Variants in RERG observed in about 807,000 individuals in gnomAD.
RERG encodes the protein RAS like estrogen regulated growth inhibitor.
Under a neutral mutation model 23.2 loss-of-function variants are expected in RERG, and 25 were observed. The ratio of observed to expected loss-of-function variants is 1.08; its 90% confidence interval spans 0.79 to 1.50. The LOEUF (loss-of-function observed/expected upper bound fraction) is 1.50. RERG is among the 40% of genes most tolerant of loss of function. The pLI, the probability that RERG is intolerant of heterozygous loss-of-function variation, is 0.00. For missense variants in RERG, 253 were observed against 250.1 expected, an observed-to-expected ratio of 1.01 and a Z score of -0.08; for synonymous variants, 81 against 89.1, an observed-to-expected ratio of 0.91 and a Z score of 0.51.
intron 2 of RERG, among the ~76,000 whole-genome samples, chr12:15,180,841 C>T (rs1261465869): frequency 6.6e-6 from 1 of 152,202 alleles, no homozygotes; most frequent in Non-Finnish European, 1.5e-5. Flanking sequence ...TTTTCCAATA[C>T]TCTTGCTCCA....
chr12:15,206,327 T>G (rs1032506622), intron 2 of RERG, among the ~76,000 whole-genome samples: 1 of 152,114 alleles, frequency 6.6e-6, no homozygotes, highest in African/African-American at 2.4e-5. Flanking sequence ...CACTAAAATG[T>G]TAACTCCATA....
chr12:15,153,383 G>T (rs944649768), intron 2 of RERG, among the ~76,000 whole-genome samples: 5 of 152,092 alleles, frequency 3.3e-5, no homozygotes, highest in African/African-American at 1.2e-4. Context: ...TGAAATTGAT[G>T]ATCTTAAATT....
At chr12:15,168,750 C>T (rs1187607667) in intron 2 of RERG, among the ~76,000 whole-genome samples, 1 of 152,164 alleles carries the variant, frequency 6.6e-6, no homozygotes, top group Admixed American at 6.5e-5. Flanking sequence ...CATTTCTCTG[C>T]CACTGTAAAG....
chr12:15,191,559 G>A (rs1355837032), intron 2 of RERG, among the ~76,000 whole-genome samples: 2 of 152,138 alleles, frequency 1.3e-5, no homozygotes, highest in East Asian at 3.9e-4. Flanking sequence ...AACACAATGT[G>A]CACTCTACTT....
At position 15,109,346 on chromosome 12, in the gene RERG, A is replaced by G; in HGVS notation, c.364T>C (p.Leu122=). ...TLILVGNKAD[L]DHSRQVSTEE... is the part of the protein sequence containing the mutation. Reference sequence around the variant, plus strand: ...GTGCTAACCTGCCTGGAGTGGTCCAAGTCAGCTTTGTTTCCAACCAAGATG... The same window carrying G: ...GTGCTAACCTGCCTGGAGTGGTCCAGGTCAGCTTTGTTTCCAACCAAGATG... The change falls in exon 5 of 5, where the codon TTG becomes CTG. Residue 122 remains leucine (L), a synonymous_variant. Transcript: ENST00000256953. 6.2e-7 allele frequency: 1 copy of G among 1,614,084 alleles called. No homozygotes were observed. The highest frequency in any genetic ancestry group is 8.5e-7 in the Non-Finnish European group (1 of 1,180,016).
chr12:15,169,747 T>C (rs1009973422), intron 2 of RERG, among the ~76,000 whole-genome samples: 1 of 152,222 alleles, frequency 6.6e-6, no homozygotes, highest in African/African-American at 2.4e-5. Context: ...AAATTTATTT[T>C]TATGAGTTTC....
intron 2 of RERG, among the ~76,000 whole-genome samples, chr12:15,196,906 A>C (rs1865152856): frequency 6.6e-6 from 1 of 152,086 alleles, no homozygotes; most frequent in South Asian, 2.1e-4. Flanking sequence ...TGAGAATTCT[A>C]ATCATAAAAT....
intron 2 of RERG, chr12:15,137,747 T>C (rs1416785760): frequency 2.7e-6 from 1 of 364,468 alleles, no homozygotes; most frequent in Non-Finnish European, 5.3e-6. Context: ...CAATTATAAA[T>C]ACATTGTTTC....
intron 2 of RERG, among the ~76,000 whole-genome samples, chr12:15,139,568 C>T (rs1444124242): frequency 6.6e-6 from 1 of 152,038 alleles, no homozygotes; most frequent in African/African-American, 2.4e-5. Context: ...ATTTAATTTT[C>T]TTTGTGCTGT....
intron 2 of RERG, among the ~76,000 whole-genome samples, chr12:15,124,775 G>A (rs1003963753): frequency 6.6e-6 from 1 of 151,914 alleles, no homozygotes; most frequent in African/African-American, 2.4e-5. Flanking sequence ...TTATGGGACT[G>A]TGGTGAGTTG....
chr12:15,209,010 A>C (rs116887844), intron 2 of RERG, among the ~76,000 whole-genome samples: 4 of 152,214 alleles, frequency 2.6e-5, no homozygotes, highest in Non-Finnish European at 5.9e-5. Context: ...AAAATTCCTA[A>C]GGCATTGAAA....
intron 2 of RERG, among the ~76,000 whole-genome samples, chr12:15,131,015 C>A (rs1296490083): frequency 6.6e-6 from 1 of 151,924 alleles, no homozygotes; most frequent in Non-Finnish European, 1.5e-5. Flanking sequence ...ATGGCAGAAT[C>A]ATTGCTTTTA....
chr12:15,211,284 T>TACACACAC (rs56263472), intron 2 of RERG, among the ~76,000 whole-genome samples: 1,761 of 142,840 alleles, frequency 0.012, 14 homozygotes, highest in East Asian at 0.023. Flanking sequence ...TGTCATTTTA[T>TACACACAC]ACACACACAC....
At chr12:15,193,930 C>A (rs557688143) in intron 2 of RERG, among the ~76,000 whole-genome samples, 2 of 152,194 alleles carry the variant, frequency 1.3e-5, no homozygotes, top group African/African-American at 4.8e-5. Flanking sequence ...TAGAAAGGAG[C>A]AAATTGGTGA....
At chr12:15,211,425 G>C (rs1865365064) in intron 2 of RERG, among the ~76,000 whole-genome samples, 1 of 151,950 alleles carries the variant, frequency 6.6e-6, no homozygotes, top group Middle Eastern at 3.2e-3. Flanking sequence ...AAATAAGTCT[G>C]GCACAGAGAG....
At chr12:15,210,346 A>G (rs1865350010) in intron 2 of RERG, among the ~76,000 whole-genome samples, 1 of 152,262 alleles carries the variant, frequency 6.6e-6, no homozygotes, top group African/African-American at 2.4e-5. Flanking sequence ...TTAGTTTAAA[A>G]TAAAGGACAA....
At chr12:15,141,651 A>G (rs1864240814) in intron 2 of RERG, among the ~76,000 whole-genome samples, 1 of 152,170 alleles carries the variant, frequency 6.6e-6, no homozygotes, top group Admixed American at 6.5e-5. Context: ...TCCAGGTTTC[A>G]AAGTATGATA....
At chr12:15,213,440 G>A (rs1026627980) in intron 2 of RERG, among the ~76,000 whole-genome samples, 2 of 152,070 alleles carry the variant, frequency 1.3e-5, no homozygotes, top group Non-Finnish European at 2.9e-5. Flanking sequence ...ATGTTTACCC[G>A]GCTGGGGCAA....
At chr12:15,112,812 T>A (rs1394427739) in intron 3 of RERG, among the ~76,000 whole-genome samples, 1 of 151,760 alleles carries the variant, frequency 6.6e-6, no homozygotes, top group East Asian at 1.9e-4. Flanking sequence ...CATAGAGGAG[T>A]GGAAATTATT....
Sources: allele counts gnomAD v4.1 joint callset (sites outside exome capture counted in the v4.1 genomes callset), GRCh38; gene constraint gnomAD v4.1.1; transcripts MANE v1.5; gene names NCBI Gene and HGNC (gene_info 2026-07-23, HGNC 2026-07-21).